Variants in FAT2 observed in about 807,000 individuals in gnomAD.
FAT2 encodes protocadherin Fat 2.
In FAT2, 150 loss-of-function variants were observed where a neutral mutation model predicts 295.3. The ratio of observed to expected loss-of-function variants is 0.51; its 90% CI spans 0.44 to 0.58. The LOEUF is 0.58. Among genes scored for constraint, FAT2 ranks in the 20% least tolerant of loss-of-function variants. The pLI is 0.00. For synonymous variants in FAT2, 2,026 were observed against 2,150.3 expected (o/e 0.94, Z 1.60); for missense variants, 4,868 against 5,442.7 (o/e 0.89, Z 3.32).
At chr5:151,537,385 C>G (rs59054570) in intron 12 of FAT2, among the ~76,000 whole-genome samples, 1 of 137,204 alleles carries the variant, frequency 7.3e-6, no homozygotes. Context: ...CAACGAACAA[C>G]GAAAGGAAAG....
At chr5:151,540,535 A>C (rs2127602032) in intron 11 of FAT2, 32 bp downstream of exon 11, 4 of 1,579,812 alleles carry the variant, frequency 2.5e-6, no homozygotes, top group Admixed American at 1.7e-5. Flanking sequence ...CCTTGCCTTC[A>C]CTACCCACTC....
In FAT2 at chr5:151,566,520, C is replaced by T. The variant is rs536548504; in HGVS notation, c.2412G>A (p.Lys804=). The change falls in exon 2 of 24, where the codon AAG becomes AAA. Residue 804 remains lysine, a synonymous_variant. Transcript: ENST00000261800. ...AGTCTTTCACATTCACTGTCAGCAG[C>T]TTCCAGGAGGACTTCTGGGGTGTGC... is the stretch of plus-strand genomic sequence containing the variant. ...DLGTPQKSSW[K]LLTVNVKDWN... is the part of the protein sequence containing the mutation. 1 of 1,614,036 alleles carries T rather than the reference C, an allele frequency of 6.2e-7. No homozygotes were observed. The highest frequency in any genetic ancestry group is 8.5e-7 in the Non-Finnish European group (1 of 1,180,010).
intron 19 of FAT2, among the ~76,000 whole-genome samples, chr5:151,518,689 A>C (rs1227946433): frequency 2.6e-5 from 4 of 152,242 alleles, no homozygotes; most frequent in Non-Finnish European, 5.9e-5. Context: ...GGCATCCTCC[A>C]TCCCGCCTTA....
intron 17 of FAT2, among the ~76,000 whole-genome samples, chr5:151,526,564 TC>T (rs1320828457): frequency 6.6e-6 from 1 of 152,258 alleles, no homozygotes; most frequent in Non-Finnish European, 1.5e-5. Context: ...CAGAAACTGA[TC>T]GTTGCCTATC....
intron 3 of FAT2, 78 bp from the exon 4 acceptor site, chr5:151,556,480 C>T: frequency 1.1e-6 from 1 of 899,024 alleles, no homozygotes; most frequent in South Asian, 1.5e-5. Context: ...TCAAGAATTA[C>T]ATTCAAATCT....
At chr5:151,527,880 G>C (rs984127798) in intron 16 of FAT2, 116 bp downstream of exon 16, 6 of 1,348,330 alleles carry the variant, frequency 4.4e-6, no homozygotes, top group East Asian at 2.3e-5. Flanking sequence ...GACATTCTGG[G>C]AAGGTCTGAG....
intron 22 of FAT2, 86 bp from the exon 23 acceptor site, chr5:151,507,697 G>T (rs1163639243): frequency 5.6e-6 from 7 of 1,259,700 alleles, no homozygotes; most frequent in African/African-American, 1.5e-5. Flanking sequence ...GATAGAGACT[G>T]CTCCCCCCAA....
At chr5:151,537,277 TGGAGGAGGAGGA>T (rs1296981376) in intron 12 of FAT2, among the ~76,000 whole-genome samples, 1 of 132,778 alleles carries the variant, frequency 7.5e-6, no homozygotes, top group Non-Finnish European at 1.6e-5. Context: ...ATGGTGGTGG[TGGAGGAGGAGGA>T]GGAGGAGGGA....
intron 9 of FAT2, 109 bp downstream of exon 9, chr5:151,549,186 G>C (rs1370172196): frequency 2.6e-5 from 26 of 998,314 alleles, no homozygotes; most frequent in Non-Finnish European, 3.6e-5. Context: ...GTTTGCCAAG[G>C]CTTAATGAGC....
chr5:151,566,383 T>C lies in FAT2; in HGVS notation c.2549A>G (p.Glu850Gly). 2 of 1,614,022 alleles carry C rather than the reference T, an allele frequency of 1.2e-6. No homozygotes were observed. The highest frequency in any genetic ancestry group is 1.7e-6 in the Non-Finnish European group (2 of 1,179,970). ...GGTGTAGCGAACCCTGCCATTGTCT[T>C]CCGAGTCAGCATCTTTGGTTGTCAG... ...AELTTKDADS[E>G]DNGRVRYTLL... The change falls in exon 2 of 24, where the codon GAA becomes GGA. Residue 850 changes from glutamate to glycine, a missense_variant. Glu to Gly is a moderately conservative substitution (Grantham distance 98). Around this residue, in one of 5 missense-constraint regions of FAT2, gnomAD observed 3,297 missense variants for 3,669.4 expected, o/e 0.90. Transcript: ENST00000261800.
At chr5:151,563,725 G>T (rs1039357421) in intron 2 of FAT2, 86 bp from the exon 3 acceptor site, 4 of 1,080,784 alleles carry the variant, frequency 3.7e-6, no homozygotes, top group Non-Finnish European at 5.5e-6. Flanking sequence ...TCCCCAAACC[G>T]CACTGTGGAA....
rs1327899863 is a variant in FAT2 at position 151,543,200 on chromosome 5, C to A, written c.7927G>T (p.Val2643Phe). 4 of 1,614,098 alleles carry A rather than the reference C, an allele frequency of 2.5e-6. No individual in the cohort carries two copies. The highest frequency in any genetic ancestry group is 3.4e-6 in the Non-Finnish European group (4 of 1,180,054). The change falls in exon 10 of 24, where the codon GTC (valine) becomes TTC (phenylalanine). Residue 2643 changes from valine to phenylalanine, a missense_variant. Around this residue, in one of 5 missense-constraint regions of FAT2, gnomAD observed 3,297 missense variants for 3,669.4 expected, o/e 0.90. Coordinates refer to ENST00000261800, the MANE Select transcript of FAT2 (RefSeq NM_001447.3). The part of the protein sequence containing the change: ...VIEINPVTGV[V>F]KVKDSLVGLE... Reference sequence around the variant, plus strand: ...CCCACCAGGCTGTCTTTCACCTTGACCACACCAGTGACTGGGTTAATTTCA... The same window carrying A: ...CCCACCAGGCTGTCTTTCACCTTGAACACACCAGTGACTGGGTTAATTTCA...
intron 16 of FAT2, among the ~76,000 whole-genome samples, chr5:151,527,788 G>A (rs965589342): frequency 6.6e-6 from 1 of 152,142 alleles, no homozygotes; most frequent in African/African-American, 2.4e-5. Context: ...AGGTCCTCTA[G>A]GGAAGGTTAC....
chr5:151,556,998 C>T (rs1250595628), intron 3 of FAT2, among the ~76,000 whole-genome samples: 3 of 152,106 alleles, frequency 2.0e-5, no homozygotes, highest in Non-Finnish European at 2.9e-5. Context: ...AGGTGAAGTT[C>T]CCAGCTACTT....
chr5:151,554,769 G>C, intron 4 of FAT2, 96 bp from the exon 5 acceptor site: 1 of 935,204 alleles, frequency 1.1e-6, no homozygotes. Flanking sequence ...TTGTTCTTTG[G>C]TATGAGCTTG....
intron 1 of FAT2, among the ~76,000 whole-genome samples, chr5:151,578,679 T>C (rs528866876): frequency 3.3e-4 from 50 of 152,362 alleles, no homozygotes; most frequent in Admixed American, 6.5e-4. Context: ...CCATCTTTAC[T>C]GCATTATTCA....
At chr5:151,588,131 G>C (rs1390262688) in intron 1 of FAT2, among the ~76,000 whole-genome samples, 2 of 152,156 alleles carry the variant, frequency 1.3e-5, no homozygotes, top group Non-Finnish European at 2.9e-5. Context: ...GTGTGTATGT[G>C]TGTGTGGGTG....
chr5:151,593,775 G>T (rs750330155), upstream of FAT2, among the ~76,000 whole-genome samples: 3 of 152,056 alleles, frequency 2.0e-5, no homozygotes, highest in Non-Finnish European at 2.9e-5. Context: ...AGGCCGAGGC[G>T]GGTGGATCAC....
At chr5:151,546,523 G>A (rs1005871433) in intron 9 of FAT2, among the ~76,000 whole-genome samples, 186 bp from the exon 10 acceptor site, 52 of 152,172 alleles carry the variant, frequency 3.4e-4, no homozygotes, top group Middle Eastern at 3.2e-3. Context: ...GGTGTGCATA[G>A]TAGGTGCTTC....
Sources: allele counts gnomAD v4.1 joint callset (sites outside exome capture counted in the v4.1 genomes callset), GRCh38; gene constraint gnomAD v4.1.1; regional missense constraint gnomAD v4.1.1; transcripts MANE v1.5; gene names NCBI Gene and HGNC (gene_info 2026-07-23, HGNC 2026-07-21).